Variants in CFDP1 observed in about 807,000 individuals in gnomAD.
The protein encoded by CFDP1 is heterochromatin-stabilizing protein CFDP1.
CFDP1 carries 31 observed loss-of-function variants against 40.1 expected under a neutral mutation model. The observed-to-expected ratio is 0.77, with a 90% CI of 0.58 to 1.04. CFDP1 has a LOEUF of 1.04. CFDP1 is among the 50% of genes least tolerant of loss of function. The pLI is 0.00. For synonymous variants in CFDP1, 167 were observed against 120.0 expected (o/e 1.39, Z -2.56); for missense variants, 423 against 343.4 (o/e 1.23, Z -1.83).
Position 75,331,004 on chromosome 16 carries a change from C to T in CFDP1, c.651-25822G>A, listed in dbSNP as rs1200006254. Among the ~76,000 whole-genome samples the T allele has an allele frequency of 4.0e-5, 6 of 149,008 alleles. No individual in the cohort carries two copies. In the East Asian group the frequency reaches 8.0e-4, roughly 20 times the overall value. On this transcript the variant is annotated intron_variant, in intron 5 of 6. Coordinates refer to ENST00000283882, the MANE Select transcript of CFDP1 (RefSeq NM_006324.3). The stretch of plus-strand genomic sequence containing the variant: ...AAAAAAACACAAAGTGGGCCTTATT[C>T]ACCAGGGCTACCTCAATGGGCAATG...
chr16:75,301,741 G>A (rs2078223516), intron 6 of CFDP1: 1 of 151,944 alleles, frequency 6.6e-6, no homozygotes, highest in African/African-American at 2.4e-5. Context: ...TAAAGATGCA[G>A]ATATTTGTGA....
At chr16:75,428,129 T>G (rs2079362478) in intron 1 of CFDP1, among the ~76,000 whole-genome samples, 1 of 118,360 alleles carries the variant, frequency 8.4e-6, no homozygotes, top group African/African-American at 2.7e-5. Context: ...CAGGGGAAAT[T>G]TGTTTTTTTT....
chr16:75,343,626 A>T (rs2078541819), intron 5 of CFDP1, among the ~76,000 whole-genome samples: 2 of 152,254 alleles, frequency 1.3e-5, no homozygotes, highest in East Asian at 1.9e-4. Context: ...AAAAGAGTTC[A>T]TGACTTCATC....
Position 75,316,943 on chromosome 16 carries a change from T to C in CFDP1, c.651-11761A>G, listed in dbSNP as rs193147530. Among the ~76,000 whole-genome samples the C allele has an allele frequency of 7.8e-3, 1,192 of 152,126 alleles. 6 individuals are homozygous for C. Among genetic ancestry groups the C allele is most frequent in the Middle Eastern group, 0.017 (5 of 294 alleles). ...TTGTGGTGAGGCGAGATCGCACCAC[T>C]GCACTCCAGCCTGGGCGACAAGAGT... On this transcript the variant is annotated intron_variant, in intron 5 of 6. Transcript: ENST00000283882.
chr16:75,313,752 C>T (rs1325285966), intron 5 of CFDP1, among the ~76,000 whole-genome samples: 5 of 152,244 alleles, frequency 3.3e-5, no homozygotes, highest in African/African-American at 7.2e-5. Flanking sequence ...TGTCTTCTCT[C>T]TTTGCATGTA....
chr16:75,375,412 A>G (rs542732259), intron 5 of CFDP1, among the ~76,000 whole-genome samples: 22 of 152,358 alleles, frequency 1.4e-4, no homozygotes, highest in African/African-American at 4.6e-4. Context: ...GTCACTTTAC[A>G]CATGAAAAGA....
At chr16:75,317,418 C>T (rs1021525135) in intron 5 of CFDP1, among the ~76,000 whole-genome samples, 4 of 152,146 alleles carry the variant, frequency 2.6e-5, no homozygotes, top group Admixed American at 1.3e-4. Flanking sequence ...GAGAAGGACA[C>T]GCCACCATTT....
chr16:75,386,314 A>G lies in CFDP1; in HGVS notation c.650+8776T>C, dbSNP rs1034231376. ...CACTAGAATTTATTTAACTCCAGGC[A>G]ACCTTGAAAATCACTATAGATAATT... On this transcript the variant is annotated intron_variant, in intron 5 of 6. Transcript: ENST00000283882. 2.0e-5 allele frequency among the ~76,000 whole-genome samples: 3 copies of G among 152,362 alleles called. No individual in the cohort carries two copies. The East Asian group carries it at 5.8e-4, about 29-fold the overall frequency.
intron 5 of CFDP1, among the ~76,000 whole-genome samples, chr16:75,315,867 C>A (rs538979557): frequency 1.3e-5 from 2 of 152,270 alleles, no homozygotes; most frequent in Middle Eastern, 3.4e-3. Context: ...CTTCAACACA[C>A]CTCCCAAAAT....
chr16:75,421,023 A>C (rs1450800875), intron 1 of CFDP1, among the ~76,000 whole-genome samples: 3 of 152,214 alleles, frequency 2.0e-5, no homozygotes, highest in African/African-American at 4.8e-5. Flanking sequence ...AAAGATGCTT[A>C]ATCTCATTAA....
chr16:75,405,095 TCAAGA>T (rs2079087029), intron 4 of CFDP1, among the ~76,000 whole-genome samples: 1 of 152,182 alleles, frequency 6.6e-6, no homozygotes, highest in Admixed American at 6.5e-5. Flanking sequence ...GTCACAATAC[TCAAGA>T]CATGAGCAGT....
intron 1 of CFDP1, among the ~76,000 whole-genome samples, chr16:75,432,881 G>A (rs1242161142): frequency 6.8e-6 from 1 of 147,676 alleles, no homozygotes; most frequent in African/African-American, 2.6e-5. Context: ...GCGGAGAGCG[G>A]ACAGCTCTAT....
Position 75,432,370 on chromosome 16 carries a change from T to TA in CFDP1, c.64+918dup, listed in dbSNP as rs55961935. 6.8e-3 allele frequency among the ~76,000 whole-genome samples: 718 copies of TA among 105,558 alleles called. 10 individuals are homozygous for TA. Among genetic ancestry groups the TA allele is most frequent in the African/African-American group, 0.024 (671 of 27,934 alleles). The allele number at this position is 105,558 out of a possible 152,430, so 69.3% of individuals were successfully genotyped here. ...GGGCAACATAGCAAGATGCCATTTC[T>TA]AAAAAAAAAAAAAAAAAAAAAAATT... On this transcript the variant is annotated intron_variant, in intron 1 of 6. Coordinates refer to ENST00000283882, the MANE Select transcript of CFDP1 (RefSeq NM_006324.3).
intron 1 of CFDP1, among the ~76,000 whole-genome samples, chr16:75,427,548 G>T (rs1267447475): frequency 6.6e-6 from 1 of 152,052 alleles, no homozygotes; most frequent in Non-Finnish European, 1.5e-5. Flanking sequence ...ACCGCGCTCG[G>T]CCCCAAATTA....
chr16:75,391,434 TA>T (rs2078949790), intron 5 of CFDP1: 1 of 152,264 alleles, frequency 6.6e-6, no homozygotes, highest in African/African-American at 2.4e-5. Context: ...TCTAGAGCAG[TA>T]TTTTGTCAAA....
chr16:75,428,459 A>C (rs1046640261), intron 1 of CFDP1, among the ~76,000 whole-genome samples: 1 of 151,996 alleles, frequency 6.6e-6, no homozygotes, highest in Non-Finnish European at 1.5e-5. Context: ...ATTAAAATAC[A>C]AAAACAAAAT....
At chr16:75,318,224 C>T (rs2078337399) in intron 5 of CFDP1, among the ~76,000 whole-genome samples, 1 of 152,086 alleles carries the variant, frequency 6.6e-6, no homozygotes, top group Non-Finnish European at 1.5e-5. Context: ...GGTCTGACGG[C>T]TGGAGCCACA....
intron 6 of CFDP1, among the ~76,000 whole-genome samples, chr16:75,303,786 A>G (rs1360495796): frequency 6.6e-6 from 1 of 152,206 alleles, no homozygotes; most frequent in East Asian, 1.9e-4. Flanking sequence ...GATCATCACA[A>G]CCACATAGTG....
At position 75,305,107 on chromosome 16, in the gene CFDP1, C is replaced by T. The variant is rs149995941; in HGVS notation, c.726G>A (p.Glu242=). ...GAKKQKMSTL[E]KSKLDWESFK... is the part of the protein sequence containing the mutation. The stretch of plus-strand genomic sequence containing the variant: ...AGCTCTCCCAGTCCAGTTTGGACTT[C>T]TCAAGGGTGCTCATTTTCTGCTTCT... The change falls in exon 6 of 7, where the codon GAG becomes GAA. Residue 242 remains glutamate (E), a synonymous_variant. Coordinates refer to ENST00000283882, the MANE Select transcript of CFDP1 (RefSeq NM_006324.3). 776 of 1,614,060 alleles carry T rather than the reference C, an allele frequency of 4.8e-4. 1 individual carries two copies. The highest frequency in any genetic ancestry group is 5.8e-4 in the Non-Finnish European group (683 of 1,180,022).
Sources: gnomAD v4.1 joint callset for allele counts (sites outside exome capture counted in the v4.1 genomes callset) on GRCh38, gnomAD v4.1.1 for gene constraint, MANE v1.5 for transcripts, NCBI Gene and HGNC (gene_info 2026-07-23, HGNC 2026-07-21) for gene names.